The following RBPMS variants were observed in gnomAD, a reference collection of about 807,000 sequenced individuals.
RBPMS encodes the protein RNA-binding protein with multiple splicing.
Under a neutral mutation model 26.8 loss-of-function variants are expected in RBPMS, and 7 were observed. The ratio of observed to expected loss-of-function variants is 0.26; its 90% CI spans 0.15 to 0.49. The LOEUF (loss-of-function observed/expected upper bound fraction) is 0.49, where lower values mean the gene tolerates loss of function less well. Among genes scored for constraint, RBPMS ranks in the 20% least tolerant of loss-of-function variants. RBPMS has a pLI of 0.98. For missense variants in RBPMS, 186 were observed against 250.0 expected (o/e 0.74, Z 1.73); for synonymous variants, 96 against 93.3 (o/e 1.03, Z -0.17).
chr8:30,458,427 C>T (rs1190816334), intron 1 of RBPMS, among the ~76,000 whole-genome samples: 1 of 152,136 alleles, frequency 6.6e-6, no homozygotes, highest in Non-Finnish European at 1.5e-5. Context: ...GCAGATGACA[C>T]TAAAGCACTC....
chr8:30,553,569 G>A (rs549196573), intron 6 of RBPMS: 2 of 152,332 alleles, frequency 1.3e-5, no homozygotes, highest in East Asian at 3.9e-4. Flanking sequence ...GTAGGGCAGA[G>A]CTGATGGTAG....
At chr8:30,417,231 TAGAA>T (rs1272975076) in intron 1 of RBPMS, among the ~76,000 whole-genome samples, 2 of 152,210 alleles carry the variant, frequency 1.3e-5, no homozygotes, top group East Asian at 3.8e-4. Flanking sequence ...TTTACTTCTG[TAGAA>T]AGAAAACCAA....
intron 1 of RBPMS, among the ~76,000 whole-genome samples, chr8:30,449,053 A>G (rs1278889387): frequency 1.3e-5 from 2 of 152,212 alleles, no homozygotes; most frequent in African/African-American, 4.8e-5. Context: ...CTGGAGAATG[A>G]CAGGTAACTT....
intron 5 of RBPMS, among the ~76,000 whole-genome samples, chr8:30,517,771 C>T (rs1306329342): frequency 6.6e-6 from 1 of 152,172 alleles, no homozygotes; most frequent in Non-Finnish European, 1.5e-5. Flanking sequence ...CTGATGAAGC[C>T]AATCATTATT....
chr8:30,565,183 A>G (rs773705215), intron 7 of RBPMS: 3 of 152,236 alleles, frequency 2.0e-5, no homozygotes, highest in African/African-American at 7.2e-5. Flanking sequence ...AATGTTGCAT[A>G]GTGAAGTTCT....
chr8:30,501,647 A>G (rs2150923852), intron 4 of RBPMS, among the ~76,000 whole-genome samples: 1 of 152,314 alleles, frequency 6.6e-6, no homozygotes, highest in Non-Finnish European at 1.5e-5. Flanking sequence ...TCCATGTAAT[A>G]AATAGGACAC....
chr8:30,428,020 C>CTTT lies in RBPMS; in HGVS notation c.66+42882_66+42884dup, dbSNP rs58756060. 9.3e-3 allele frequency among the ~76,000 whole-genome samples: 962 copies of CTTT among 103,928 alleles called. 20 individuals carry two copies. Among genetic ancestry groups the CTTT allele is most frequent in the Admixed American group, 0.013 (125 of 9,298 alleles). 68.2% of individuals were successfully genotyped at this position (103,928 alleles called of 152,430 possible). On this transcript the variant is annotated intron_variant, in intron 1 of 8. Transcript: ENST00000397323. ...CCTTGGCAACAAAATGAGACCCCAT[C>CTTT]TTTTTTTTTTTTTTTTTTTTTTGAG...
intron 4 of RBPMS, among the ~76,000 whole-genome samples, chr8:30,497,242 G>A (rs1033727011): frequency 6.6e-6 from 1 of 152,072 alleles, no homozygotes; most frequent in Non-Finnish European, 1.5e-5. Context: ...TGACCAAAAC[G>A]CTCTTTGAAA....
At chr8:30,496,831 C>G (rs1278469494) in intron 4 of RBPMS, among the ~76,000 whole-genome samples, 1 of 152,158 alleles carries the variant, frequency 6.6e-6, no homozygotes, top group African/African-American at 2.4e-5. Flanking sequence ...ATAGATTACC[C>G]AGATGCGGGT....
intron 1 of RBPMS, among the ~76,000 whole-genome samples, chr8:30,416,716 G>A (rs952881859): frequency 4.0e-5 from 6 of 151,858 alleles, no homozygotes; most frequent in African/African-American, 7.3e-5. Flanking sequence ...CTCGTGATCC[G>A]CCTGCCTCGG....
At chr8:30,481,849 C>T (rs1035477199) in intron 4 of RBPMS, among the ~76,000 whole-genome samples, 5 of 152,070 alleles carry the variant, frequency 3.3e-5, no homozygotes, top group Non-Finnish European at 5.9e-5. Context: ...GAAATCTTTC[C>T]GATGTTGTAG....
intron 1 of RBPMS, chr8:30,387,303 T>A (rs1397269831): frequency 6.6e-6 from 1 of 152,182 alleles, no homozygotes; most frequent in African/African-American, 2.4e-5. Context: ...GAAAAGAAAC[T>A]AAGGTGGCCT....
chr8:30,541,236 C>T (rs1371428137), intron 5 of RBPMS, among the ~76,000 whole-genome samples: 5 of 152,116 alleles, frequency 3.3e-5, no homozygotes, highest in South Asian at 2.1e-4. Context: ...TCATCTAAAA[C>T]GAAAAGGCAG....
At chr8:30,504,846 A>C (rs1820926056) in intron 5 of RBPMS, among the ~76,000 whole-genome samples, 1 of 152,204 alleles carries the variant, frequency 6.6e-6, no homozygotes, top group Admixed American at 6.5e-5. Flanking sequence ...GGATATTAAA[A>C]GAGAAAGAAG....
At chr8:30,471,528 G>A (rs372001017) in intron 1 of RBPMS, among the ~76,000 whole-genome samples, 4 of 152,046 alleles carry the variant, frequency 2.6e-5, no homozygotes, top group East Asian at 3.9e-4. Flanking sequence ...TCTGCTTATC[G>A]TATCATTTTT....
At chr8:30,537,800 C>T (rs1824955509) in intron 5 of RBPMS, 1 of 360,548 alleles carries the variant, frequency 2.8e-6, no homozygotes, top group Non-Finnish European at 5.5e-6. Flanking sequence ...CGAGCTCCTA[C>T]TGTTGTTACT....
chr8:30,429,180 C>T (rs1467889156), intron 1 of RBPMS, among the ~76,000 whole-genome samples: 1 of 152,086 alleles, frequency 6.6e-6, no homozygotes, highest in Non-Finnish European at 1.5e-5. Context: ...AAACTGAGGT[C>T]CCAAAATGTG....
chr8:30,467,613 C>T (rs527768345), intron 1 of RBPMS, among the ~76,000 whole-genome samples: 1 of 152,288 alleles, frequency 6.6e-6, no homozygotes, highest in East Asian at 1.9e-4. Flanking sequence ...CCTGGGGCAA[C>T]CTTAGTCACT....
intron 5 of RBPMS, among the ~76,000 whole-genome samples, chr8:30,518,698 T>TTTTTTTTTTC (rs1822643117): frequency 7.7e-6 from 1 of 129,238 alleles, no homozygotes; most frequent in Admixed American, 7.9e-5. Flanking sequence ...TTTTTTTTTT[T>TTTTTTTTTTC]TTTTTTTTTT....
Sources: gnomAD v4.1 joint callset for allele counts (sites outside exome capture counted in the v4.1 genomes callset) on GRCh38, gnomAD v4.1.1 for gene constraint, MANE v1.5 for transcripts, NCBI Gene and HGNC (gene_info 2026-07-23, HGNC 2026-07-21) for gene names.